The following CNKSR2 variants were observed in gnomAD, a reference collection of about 807,000 sequenced individuals.
The protein encoded by CNKSR2 is CNK homolog protein 2.
Under a neutral mutation model 84.4 loss-of-function variants are expected in CNKSR2, and 14 were observed. That is an observed-to-expected ratio of 0.17 (90% CI 0.11 to 0.26). The LOEUF (loss-of-function observed/expected upper bound fraction) is 0.26. Ranked by LOEUF, CNKSR2 falls within the 10% of genes least tolerant of loss-of-function variation. CNKSR2 has a pLI of 1.00. For synonymous variants in CNKSR2, 275 were observed against 277.9 expected (o/e 0.99, Z 0.10); for missense variants, 485 against 771.2 (o/e 0.63, Z 4.40).
At chrX:21,650,335 AAAC>A (rs1218627556) in intron 21 of CNKSR2, among the ~76,000 whole-genome samples, 1 of 107,864 alleles carries the variant, frequency 9.3e-6, no homozygotes, top group African/African-American at 3.4e-5. Flanking sequence ...ACAGAAAACC[AAAC>A]ACCACATGTT....
At chrX:21,485,455 ATATG>A (rs2091373571) in intron 5 of CNKSR2, among the ~76,000 whole-genome samples, 1 of 110,997 alleles carries the variant, frequency 9.0e-6, no homozygotes, top group South Asian at 3.8e-4. Flanking sequence ...GTGTATATAT[ATATG>A]TATGTGTGTG....
chrX:21,601,361 CT>C lies in CNKSR2; in HGVS notation c.2044+18del. On this transcript the variant is annotated intron_variant, in intron 18 of 21. Coordinates refer to ENST00000379510, the MANE Select transcript of CNKSR2 (RefSeq NM_014927.5). ...TAAGCAGGAACAAGGTAAAGGAATA[CT>C]TTTTTAAAATAATTATGTTATACTT... The C allele has an allele frequency of 1.9e-6, 2 of 1,041,855 alleles. No individual in the cohort carries two copies. Among genetic ancestry groups the C allele is most frequent in the Non-Finnish European group, 2.6e-6 (2 of 756,953 alleles). The allele number at this position is 1,041,855 out of a possible 1,213,427, so 85.9% of individuals were successfully genotyped here.
chrX:21,574,178 G>T (rs978265615), intron 13 of CNKSR2, among the ~76,000 whole-genome samples: 4 of 111,700 alleles, frequency 3.6e-5, no homozygotes, highest in African/African-American at 1.3e-4. Context: ...ATCACTATCA[G>T]CATTTTGGTC....
intron 11 of CNKSR2, among the ~76,000 whole-genome samples, chrX:21,559,558 G>T (rs2092169617): frequency 9.0e-6 from 1 of 111,637 alleles, no homozygotes; most frequent in African/African-American, 3.2e-5. Flanking sequence ...GAGGACAGGT[G>T]TAATCAAAAT....
chrX:21,443,842 T>C (rs1569171858), intron 4 of CNKSR2, among the ~76,000 whole-genome samples: 1 of 111,684 alleles, frequency 9.0e-6, no homozygotes, highest in Non-Finnish European at 1.9e-5. Context: ...TAAACATCAG[T>C]ATTAAAAATT....
chrX:21,557,546 A>T (rs1010667674), intron 11 of CNKSR2, among the ~76,000 whole-genome samples: 6 of 111,373 alleles, frequency 5.4e-5, no homozygotes, highest in African/African-American at 1.9e-4. Context: ...TGTGCAACAG[A>T]TATTAAAAGC....
chrX:21,389,414 C>G (rs935629577), intron 1 of CNKSR2, among the ~76,000 whole-genome samples: 2 of 110,375 alleles, frequency 1.8e-5, no homozygotes, highest in Non-Finnish European at 3.8e-5. Context: ...ACTCTTTATA[C>G]TATTTTTTGC....
chrX:21,640,385 T>C (rs1260369117), intron 20 of CNKSR2, among the ~76,000 whole-genome samples: 2 of 111,774 alleles, frequency 1.8e-5, no homozygotes, highest in African/African-American at 6.5e-5. Context: ...AAAGCTAGCA[T>C]TCCAGTATTA....
chrX:21,538,351 T>G (rs2147135787), intron 11 of CNKSR2: 1 of 112,084 alleles, frequency 8.9e-6, no homozygotes, highest in Admixed American at 9.5e-5. Flanking sequence ...TTTTTCTTAC[T>G]GTTTTTAAAT....
intron 3 of CNKSR2, among the ~76,000 whole-genome samples, chrX:21,436,996 A>G (rs1204544105): frequency 8.9e-6 from 1 of 111,804 alleles, no homozygotes; most frequent in Non-Finnish European, 1.9e-5. Flanking sequence ...CTAAATCACT[A>G]CAAAATAAAA....
intron 5 of CNKSR2, 35 bp downstream of exon 5, chrX:21,470,842 G>A: frequency 2.4e-6 from 2 of 822,538 alleles, no homozygotes; most frequent in Non-Finnish European, 3.4e-6. Context: ...ATCTTTATTA[G>A]AGGATATTTC....
chrX:21,487,932 A>G (rs1393336303), intron 5 of CNKSR2, among the ~76,000 whole-genome samples: 1 of 112,644 alleles, frequency 8.9e-6, no homozygotes, highest in East Asian at 2.8e-4. Flanking sequence ...CAGAGCATAA[A>G]ACCAAGTGTA....
intron 2 of CNKSR2, among the ~76,000 whole-genome samples, chrX:21,430,175 C>A (rs1458992546): frequency 9.0e-6 from 1 of 111,453 alleles, no homozygotes; most frequent in Admixed American, 9.5e-5. Flanking sequence ...ACATTTTTCA[C>A]CTCTATTCTG....
chrX:21,527,057 A>C, intron 10 of CNKSR2, 57 bp downstream of exon 10: 1 of 1,048,237 alleles, frequency 9.5e-7, no homozygotes, highest in Non-Finnish European at 1.3e-6. Context: ...ACCTAACAGC[A>C]TATAAACTGC....
intron 4 of CNKSR2, among the ~76,000 whole-genome samples, chrX:21,449,448 A>G (rs1158209985): frequency 9.0e-6 from 1 of 111,068 alleles, no homozygotes; most frequent in Non-Finnish European, 1.9e-5. Context: ...CCATGAAATG[A>G]AGAGATACAG....
At chrX:21,599,225 T>C (rs981890360) in intron 17 of CNKSR2, among the ~76,000 whole-genome samples, 4 of 112,408 alleles carry the variant, frequency 3.6e-5, no homozygotes, top group African/African-American at 9.7e-5. Context: ...TAATAAATGC[T>C]GTTGAAGTGA....
intron 18 of CNKSR2, among the ~76,000 whole-genome samples, chrX:21,603,828 C>T (rs895905442): frequency 6.3e-5 from 7 of 111,054 alleles, no homozygotes; most frequent in South Asian, 7.6e-4. Context: ...TGTATTTCTT[C>T]GACAGTTCTA....
At chrX:21,412,064 G>T (rs989992699) in intron 1 of CNKSR2, among the ~76,000 whole-genome samples, 1 of 112,164 alleles carries the variant, frequency 8.9e-6, no homozygotes, top group Non-Finnish European at 1.9e-5. Context: ...AGTCTGTGTT[G>T]TAGAAGAATA....
chrX:21,536,603 A>G (rs1264317388), intron 11 of CNKSR2, among the ~76,000 whole-genome samples: 1 of 110,033 alleles, frequency 9.1e-6, no homozygotes, highest in East Asian at 2.8e-4. Flanking sequence ...ATCTTGATAC[A>G]TTATATGAGT....
Sources: allele counts gnomAD v4.1 joint callset (sites outside exome capture counted in the v4.1 genomes callset), GRCh38; gene constraint gnomAD v4.1.1; transcripts MANE v1.5; gene names NCBI Gene and HGNC (gene_info 2026-07-23, HGNC 2026-07-21).